SMN2: variants seen among roughly 807,000 people sequenced by gnomAD.
The protein encoded by SMN2 is survival motor neuron protein.
In SMN2, 1 loss-of-function variant was observed where a neutral mutation model predicts 2.8. The observed-to-expected ratio is 0.35, with a 90% CI of 0.13 to 1.68. The LOEUF is 1.68. Ranked by LOEUF, SMN2 falls within the 40% of genes most tolerant of loss-of-function variation. SMN2 has a pLI of 0.35. For missense variants in SMN2, 12 were observed against 16.9 expected, an observed-to-expected ratio of 0.71 and a Z score of 0.51; for synonymous variants, 5 against 5.0, an observed-to-expected ratio of 0.99 and a Z score of 0.01.
chr5:70,085,063 T>C, the SMN2 span, among the ~76,000 whole-genome samples: 1 of 135,066 alleles, frequency 7.4e-6, no homozygotes, highest in Non-Finnish European at 1.5e-5. Flanking sequence ...GTGCCTTCTG[T>C]TTGTGATTTT....
chr5:70,085,488 C>T, the SMN2 span, among the ~76,000 whole-genome samples: 1 of 114,430 alleles, frequency 8.7e-6, no homozygotes, highest in Admixed American at 9.1e-5. Context: ...AGTGATCCAC[C>T]CACCTTGGCA....
chr5:70,074,631 A>G (rs1421359595), intron 7 of SMN2, among the ~76,000 whole-genome samples: 437 of 106,070 alleles, frequency 4.1e-3, no homozygotes, highest in Middle Eastern at 0.035. Flanking sequence ...CAACAAGAGC[A>G]AAACTCCATC....
intron 1 of SMN2, among the ~76,000 whole-genome samples, chr5:70,052,283 C>T (rs1393243620): frequency 4.9e-5 from 5 of 101,438 alleles, no homozygotes; most frequent in African/African-American, 1.6e-4. Flanking sequence ...TGGCTGACAC[C>T]TGTAATCCCA....
Position 70,075,631 on chromosome 5 carries a change from G to A in SMN2, c.835-890G>A, listed in dbSNP as rs541430414. Reference sequence around the variant, plus strand: ...CAAAAGTGCAAGGCAAGGCATTACAGGCATGAGCCACTGTGACCGGCAATG... The same window carrying A: ...CAAAAGTGCAAGGCAAGGCATTACAAGCATGAGCCACTGTGACCGGCAATG... On this transcript the variant is annotated intron_variant, in intron 7 of 8. Transcript: ENST00000380743. Among the ~76,000 whole-genome samples the A allele has an allele frequency of 2.0e-4, 24 of 119,872 alleles. 7 individuals carry two copies. The highest frequency in any genetic ancestry group is 8.0e-4 in the African/African-American group (24 of 29,920). 78.6% of individuals were successfully genotyped at this position (119,872 alleles called of 152,430 possible). A position where few individuals can be genotyped will look rare whatever the true frequency, so the allele number is the denominator to read the frequency against.
downstream of SMN2, among the ~76,000 whole-genome samples, chr5:70,079,431 C>CAAAAAAA (rs58866189): frequency 2.3e-4 from 24 of 103,856 alleles, no homozygotes; most frequent in Non-Finnish European, 3.9e-4. Context: ...GACTCCGTCT[C>CAAAAAAA]AAAAAAAAAA....
chr5:70,079,530 C>A (rs1368821601), downstream of SMN2, among the ~76,000 whole-genome samples: 1 of 144,186 alleles, frequency 6.9e-6, no homozygotes, highest in Non-Finnish European at 1.5e-5. Flanking sequence ...ACGAGACAGG[C>A]GGATCACTTG....
At position 70,075,663 on chromosome 5, in the gene SMN2, A is replaced by C. The variant is rs1238801361; in HGVS notation, c.835-858A>C. ...GCCACTGTGACCGGCAATGTTTTTA[A>C]ATTTTTTACATTTAAATTTTATTTT... On this transcript the variant is annotated intron_variant, in intron 7 of 8. Coordinates refer to ENST00000380743, the MANE Select transcript of SMN2 (RefSeq NM_017411.4). Among the ~76,000 whole-genome samples the C allele has an allele frequency of 1.0e-4, 12 of 120,406 alleles. 4 individuals are homozygous for C. The highest frequency in any genetic ancestry group is 3.8e-4 in the African/African-American group (11 of 29,056). 79.0% of individuals were successfully genotyped at this position (120,406 alleles called of 152,430 possible). A position where few individuals can be genotyped will look rare whatever the true frequency, so the allele number is the denominator to read the frequency against.
At chr5:70,080,181 A>C (rs1353284714), downstream of SMN2, among the ~76,000 whole-genome samples, 12 of 126,916 alleles carry the variant, frequency 9.5e-5, no homozygotes, top group African/African-American at 3.8e-4. Flanking sequence ...CAAAAAAAAA[A>C]TTAGCTCGGC....
the SMN2 span, among the ~76,000 whole-genome samples, chr5:70,088,621 T>C: frequency 7.8e-6 from 1 of 127,456 alleles, no homozygotes; most frequent in Non-Finnish European, 1.6e-5. Context: ...GTATTTTTAG[T>C]AGGGATGGGG....
At chr5:70,079,522 G>T (rs1298378202), downstream of SMN2, among the ~76,000 whole-genome samples, 2 of 144,910 alleles carry the variant, frequency 1.4e-5, no homozygotes, top group Non-Finnish European at 3.0e-5. Flanking sequence ...TTGGGAGGAC[G>T]AGACAGGCGG....
intron 7 of SMN2, among the ~76,000 whole-genome samples, chr5:70,074,601 T>C (rs1580732282): frequency 2.6e-5 from 3 of 113,346 alleles, no homozygotes; most frequent in Non-Finnish European, 3.8e-5. Context: ...CGAGATCACC[T>C]CATTGCACTC....
intron 1 of SMN2, among the ~76,000 whole-genome samples, chr5:70,052,265 G>C (rs1449378229): frequency 1.9e-4 from 21 of 113,144 alleles, no homozygotes; most frequent in African/African-American, 5.0e-4. Flanking sequence ...AGGATCGGCC[G>C]GGCGCTGTGG....
chr5:70,084,474 A>G, the SMN2 span, among the ~76,000 whole-genome samples: 1 of 135,866 alleles, frequency 7.4e-6, no homozygotes, highest in Non-Finnish European at 1.5e-5. Flanking sequence ...GGCATGAGCC[A>G]CCGTGCCCGA....
downstream of SMN2, among the ~76,000 whole-genome samples, chr5:70,083,505 A>G (rs1303317741): frequency 7.4e-6 from 1 of 136,044 alleles, no homozygotes; most frequent in Non-Finnish European, 1.5e-5. Context: ...ATGCACACGT[A>G]TGTTTATTGC....
chr5:70,085,504 G>C, the SMN2 span, among the ~76,000 whole-genome samples: 2 of 107,990 alleles, frequency 1.9e-5, no homozygotes, highest in South Asian at 2.9e-4. Context: ...TGGCATCCCA[G>C]AGTGCTGGGA....
intron 6 of SMN2, among the ~76,000 whole-genome samples, chr5:70,070,133 G>A (rs1355785029): frequency 4.6e-5 from 6 of 131,078 alleles, no homozygotes; most frequent in Non-Finnish European, 9.4e-5. Flanking sequence ...AATCGCCCTC[G>A]AAATGCTATG....
chr5:70,076,074 C>T (rs1294048000), intron 7 of SMN2, among the ~76,000 whole-genome samples: 2 of 123,806 alleles, frequency 1.6e-5, no homozygotes, highest in East Asian at 4.3e-4. Context: ...AGGCTGTTCT[C>T]GAACTCCTGA....
At chr5:70,079,552 T>C (rs1774825298), downstream of SMN2, among the ~76,000 whole-genome samples, 1 of 142,120 alleles carries the variant, frequency 7.0e-6, no homozygotes, top group Non-Finnish European at 1.5e-5. Flanking sequence ...GCCCAGGAGT[T>C]CAAGACCAGC....
downstream of SMN2, among the ~76,000 whole-genome samples, chr5:70,080,255 C>T (rs191039674): frequency 1.5e-5 from 2 of 135,798 alleles, 1 homozygote; most frequent in Non-Finnish European, 3.1e-5. Context: ...CACTTGAACC[C>T]AGGAGGCGGA....
Sources: allele counts gnomAD v4.1 joint callset (sites outside exome capture counted in the v4.1 genomes callset), GRCh38; gene constraint gnomAD v4.1.1; transcripts MANE v1.5; gene names NCBI Gene and HGNC (gene_info 2026-07-23, HGNC 2026-07-21).